ZFP64: variants seen among roughly 807,000 people sequenced by gnomAD.
ZFP64 encodes the protein ZFP64 zinc finger protein, also known as zinc finger protein 64.
A neutral mutation model predicts 51.6 loss-of-function variants in ZFP64; 14 were observed. The ratio of observed to expected loss-of-function variants is 0.27; its 90% CI spans 0.18 to 0.42. The LOEUF (loss-of-function observed/expected upper bound fraction) is 0.42, where lower values mean the gene tolerates loss of function less well. Ranked by LOEUF, ZFP64 falls within the 10% of genes least tolerant of loss-of-function variation. The pLI is 1.00. For synonymous variants in ZFP64, 375 were observed against 361.4 expected, an observed-to-expected ratio of 1.04 and a Z score of -0.43; for missense variants, 754 against 906.8, an observed-to-expected ratio of 0.83 and a Z score of 2.16.
chr20:52,113,856 G>T (rs974528368), intron 5 of ZFP64, among the ~76,000 whole-genome samples: 10 of 152,112 alleles, frequency 6.6e-5, no homozygotes, highest in Non-Finnish European at 1.0e-4. Context: ...AAATGTACAA[G>T]GTCACTTTAG....
intron 5 of ZFP64, among the ~76,000 whole-genome samples, chr20:52,122,673 A>G (rs1979252236): frequency 6.6e-6 from 1 of 152,184 alleles, no homozygotes; most frequent in African/African-American, 2.4e-5. Flanking sequence ...ATCGACATGA[A>G]CAGGAGTTTG....
At chr20:52,136,951 G>A (rs998840284) in intron 5 of ZFP64, among the ~76,000 whole-genome samples, 1 of 152,106 alleles carries the variant, frequency 6.6e-6, no homozygotes, top group Non-Finnish European at 1.5e-5. Flanking sequence ...TTTTAGCAGA[G>A]ATGGGGTTTT....
chr20:52,105,852 A>T (rs796227428), intron 5 of ZFP64, among the ~76,000 whole-genome samples: 10 of 151,920 alleles, frequency 6.6e-5, no homozygotes, highest in East Asian at 3.9e-4. Context: ...ATGTTTTTTT[A>T]AAAAAGCCGT....
downstream of ZFP64, among the ~76,000 whole-genome samples, chr20:52,148,534 C>G (rs1054762133): frequency 6.6e-6 from 1 of 152,120 alleles, no homozygotes; most frequent in African/African-American, 2.4e-5. Flanking sequence ...AATCTCGTCT[C>G]TACTAAAAAT....
At chr20:52,157,178 G>A (rs1450190713) in intron 5 of ZFP64, among the ~76,000 whole-genome samples, 1 of 152,200 alleles carries the variant, frequency 6.6e-6, no homozygotes, top group East Asian at 1.9e-4. Context: ...ATTAAGAATG[G>A]TGAGAATTAA....
intron 5 of ZFP64, chr20:52,104,525 C>T: frequency 2.8e-6 from 1 of 362,510 alleles, no homozygotes; most frequent in Non-Finnish European, 5.4e-6. Flanking sequence ...CACGGCCGTC[C>T]CCCGCCCCCC....
At chr20:52,119,153 A>G (rs1979030673) in intron 5 of ZFP64, among the ~76,000 whole-genome samples, 1 of 152,026 alleles carries the variant, frequency 6.6e-6, no homozygotes, top group South Asian at 2.1e-4. Context: ...TCAAAAATAA[A>G]GTAAAATAAA....
chr20:52,099,005 C>CAAAAAAAA (rs58670484), intron 5 of ZFP64, among the ~76,000 whole-genome samples: 21 of 116,630 alleles, frequency 1.8e-4, no homozygotes, highest in African/African-American at 6.1e-4. Context: ...CTGTCTTTAC[C>CAAAAAAAA]AAAAAAAAAA....
intron 5 of ZFP64, among the ~76,000 whole-genome samples, chr20:52,106,262 G>A (rs1159392389): frequency 6.6e-6 from 1 of 152,176 alleles, no homozygotes; most frequent in Non-Finnish European, 1.5e-5. Flanking sequence ...ACCCCTCCTT[G>A]CGCCGCGTAA....
At chr20:52,129,485 T>A (rs1434060159) in intron 5 of ZFP64, among the ~76,000 whole-genome samples, 1 of 152,204 alleles carries the variant, frequency 6.6e-6, no homozygotes, top group East Asian at 1.9e-4. Flanking sequence ...TTTGCCTTTT[T>A]CCTTCTAGCA....
rs1980795559 is a variant in ZFP64, at chr20:52,151,529, T to C, written c.*617A>G. The C allele has an allele frequency of 1.0e-6, 1 of 985,418 alleles. No individual in the cohort carries two copies. The highest frequency in any genetic ancestry group is 1.2e-6 in the Non-Finnish European group (1 of 830,074). 61.0% of individuals were successfully genotyped at this position (985,418 alleles called of 1,614,324 possible). Reference sequence around the variant, plus strand: ...AGATGGACAGAAACCTTTATTAGAGTTGGAAAATCAAGTTGGAAACAAACA... The same window carrying C: ...AGATGGACAGAAACCTTTATTAGAGCTGGAAAATCAAGTTGGAAACAAACA... On this transcript the variant is annotated 3_prime_UTR_variant, in exon 6 of 6. Coordinates refer to ENST00000216923, the MANE Select transcript of ZFP64 (RefSeq NM_018197.3).
At chr20:52,098,894 C>T (rs947974246) in intron 5 of ZFP64, among the ~76,000 whole-genome samples, 44 of 149,354 alleles carry the variant, frequency 2.9e-4, no homozygotes, top group Non-Finnish European at 4.6e-4. Flanking sequence ...CCCAGCTACT[C>T]GGGAGGCTGA....
chr20:52,149,643 T>C (rs1488499195), downstream of ZFP64, among the ~76,000 whole-genome samples: 2 of 152,200 alleles, frequency 1.3e-5, no homozygotes, highest in Non-Finnish European at 2.9e-5. Flanking sequence ...TTGGTGTTTG[T>C]ACAATTCTGT....
intron 2 of ZFP64, among the ~76,000 whole-genome samples, chr20:52,176,700 G>C (rs1437255592): frequency 6.6e-6 from 1 of 151,272 alleles, no homozygotes; most frequent in Admixed American, 6.6e-5. Context: ...TAGTAGAGAC[G>C]GGGTTTCACC....
At chr20:52,146,193 C>T (rs937889127) in intron 5 of ZFP64, among the ~76,000 whole-genome samples, 9 of 151,982 alleles carry the variant, frequency 5.9e-5, no homozygotes, top group Admixed American at 1.3e-4. Flanking sequence ...AGATCTAGAA[C>T]TAGAAATACC....
At chr20:52,120,667 CTTTTTTTT>C (rs11469627) in intron 5 of ZFP64, among the ~76,000 whole-genome samples, 1 of 57,436 alleles carries the variant, frequency 1.7e-5, no homozygotes, top group African/African-American at 7.7e-5. Flanking sequence ...GATCAGTGAT[CTTTTTTTT>C]TTTTTTTTTT....
intron 5 of ZFP64, among the ~76,000 whole-genome samples, chr20:52,101,940 CAAAAAAAA>C (rs1190342919): frequency 1.5e-4 from 12 of 77,688 alleles, no homozygotes; most frequent in Admixed American, 6.2e-4. Flanking sequence ...CTAAAAATAC[CAAAAAAAA>C]AAAAAAAAAA....
At chr20:52,169,090 T>C (rs1016498784) in intron 2 of ZFP64, among the ~76,000 whole-genome samples, 3 of 152,222 alleles carry the variant, frequency 2.0e-5, no homozygotes, top group Non-Finnish European at 4.4e-5. Flanking sequence ...GTTATGTAAC[T>C]TCATTGAACT....
chr20:52,128,905 CT>C (rs1269989537), intron 5 of ZFP64, among the ~76,000 whole-genome samples: 2 of 145,614 alleles, frequency 1.4e-5, no homozygotes, highest in Non-Finnish European at 3.0e-5. Flanking sequence ...GAGCTCCGAC[CT>C]TTTTTTAAAT....
Sources: gnomAD v4.1 joint callset for allele counts (sites outside exome capture counted in the v4.1 genomes callset) on GRCh38, gnomAD v4.1.1 for gene constraint, MANE v1.5 for transcripts, NCBI Gene and HGNC (gene_info 2026-07-23, HGNC 2026-07-21) for gene names.